DNAH14: variants seen among roughly 807,000 people sequenced by gnomAD.
DNAH14 encodes axonemal beta dynein heavy chain 14.
Under a neutral mutation model 520.9 loss-of-function variants are expected in DNAH14, and 478 were observed. The observed-to-expected ratio is 0.92, with a 90% CI of 0.85 to 0.99. DNAH14 has a LOEUF of 0.99. DNAH14 is among the 50% of genes least tolerant of loss of function. The pLI, the probability that DNAH14 is intolerant of heterozygous loss-of-function variation, is 0.00. For missense variants in DNAH14, 4,831 were observed against 5,234.5 expected (o/e 0.92, Z 2.38); for synonymous variants, 1,581 against 1,757.2 (o/e 0.90, Z 2.51).
At chr1:225,379,884 T>C (rs575447709) in intron 79 of DNAH14, among the ~76,000 whole-genome samples, 1 of 152,326 alleles carries the variant, frequency 6.6e-6, no homozygotes, top group East Asian at 1.9e-4. Context: ...CATAGTAATG[T>C]TTCAATACAT....
intron 68 of DNAH14, among the ~76,000 whole-genome samples, chr1:225,338,915 G>A (rs892501275): frequency 2.6e-5 from 4 of 152,124 alleles, no homozygotes; most frequent in African/African-American, 7.2e-5. Context: ...CTTACCAAGC[G>A]GTGCTGACTC....
At chr1:225,122,497 C>A (rs1255661037) in intron 26 of DNAH14, among the ~76,000 whole-genome samples, 1 of 151,954 alleles carries the variant, frequency 6.6e-6, no homozygotes, top group African/African-American at 2.4e-5. Flanking sequence ...TATATCAATG[C>A]GAGTGTGCAG....
At chr1:225,092,340 C>G (rs2074473141) in intron 21 of DNAH14, among the ~76,000 whole-genome samples, 1 of 152,054 alleles carries the variant, frequency 6.6e-6, no homozygotes, top group South Asian at 2.1e-4. Flanking sequence ...ACACTCAGTC[C>G]ACAGTGCAAT....
chr1:225,183,362 G>A (rs567666262), intron 36 of DNAH14, among the ~76,000 whole-genome samples: 79 of 152,334 alleles, frequency 5.2e-4, no homozygotes, highest in African/African-American at 1.8e-3. Flanking sequence ...GTGCTGCAAA[G>A]GTCTAGAGGC....
In DNAH14 at chr1:225,144,425, CA is replaced by C. The variant is rs1281519281; in HGVS notation, c.4541del (p.Lys1514SerfsTer36). On this transcript the variant is annotated frameshift_variant, in exon 29 of 86. Transcript: ENST00000682510. LOFTEE classifies it high-confidence loss of function. Reference sequence around the variant, plus strand: ...TTTGCAATATAAATGGAATGAAAAACAAAAGTTGTGCTATGTGTCTCAAGGA... The same window carrying C: ...TTTGCAATATAAATGGAATGAAAAACAAAGTTGTGCTATGTGTCTCAAGGA... ...RHLQYKWNEK[Q>X]KLCYVSQGNA... is the part of the protein sequence containing the mutation. 2 of 1,550,896 alleles carry C rather than the reference CA, an allele frequency of 1.3e-6. No homozygotes were observed. The highest frequency in any genetic ancestry group is 1.7e-6 in the Non-Finnish European group (2 of 1,146,690).
chr1:225,210,425 C>T (rs1342214189), intron 41 of DNAH14, among the ~76,000 whole-genome samples: 2 of 152,270 alleles, frequency 1.3e-5, no homozygotes, highest in East Asian at 3.9e-4. Context: ...CCCAACACAG[C>T]ACCGCAAAGC....
chr1:225,296,851 T>G (rs757132520), intron 55 of DNAH14, among the ~76,000 whole-genome samples: 12 of 152,202 alleles, frequency 7.9e-5, no homozygotes, highest in Non-Finnish European at 1.3e-4. Context: ...AATCTGCTGT[T>G]GTTCTGCTGG....
chr1:225,142,432 G>A (rs1573462499), intron 28 of DNAH14, among the ~76,000 whole-genome samples: 1 of 152,092 alleles, frequency 6.6e-6, no homozygotes, highest in Non-Finnish European at 1.5e-5. Context: ...AAATAGTTCC[G>A]TTTTAACATC....
intron 52 of DNAH14, among the ~76,000 whole-genome samples, chr1:225,274,416 G>A (rs902548704): frequency 2.0e-5 from 3 of 151,382 alleles, no homozygotes; most frequent in Non-Finnish European, 3.0e-5. Context: ...CCGTGGTCTC[G>A]ATCTCCTGAC....
At chr1:225,286,075 A>T (rs909455646) in intron 54 of DNAH14, among the ~76,000 whole-genome samples, 3 of 152,202 alleles carry the variant, frequency 2.0e-5, no homozygotes, top group African/African-American at 7.2e-5. Context: ...GCATGTTCTC[A>T]CTCATGTGAA....
At position 225,304,800 on chromosome 1, in the gene DNAH14, C is replaced by T. The variant is rs1287137796; in HGVS notation, c.8824-108C>T. 9.4e-6 allele frequency: 10 copies of T among 1,067,548 alleles called. No homozygotes were observed. In the East Asian group the frequency reaches 2.5e-4, roughly 26 times the overall value. The allele number at this position is 1,067,548 out of a possible 1,614,324, so 66.1% of individuals were successfully genotyped here. A position where few individuals can be genotyped will look rare whatever the true frequency, so the allele number is the denominator to read the frequency against. On this transcript the variant is annotated intron_variant, in intron 57 of 85. Transcript: ENST00000682510. The stretch of plus-strand genomic sequence containing the variant: ...TCCGGGAGCTCTCTCTACATCTCCA[C>T]ATCTCAGAAATAATAAGCTATTTTA...
intron 66 of DNAH14, among the ~76,000 whole-genome samples, chr1:225,335,267 CGT>C (rs752076478): frequency 1.6e-5 from 2 of 127,718 alleles, no homozygotes; most frequent in East Asian, 5.1e-4. Context: ...CACATATACA[CGT>C]GTACATTGTG....
chr1:225,333,545 AT>A, intron 66 of DNAH14, 39 bp downstream of exon 66: 1 of 1,503,788 alleles, frequency 6.6e-7, no homozygotes, highest in Non-Finnish European at 9.0e-7. Context: ...AGTGGCTATT[AT>A]TGTTTATTTG....
chr1:225,247,708 CA>C (rs1337292191), intron 43 of DNAH14, among the ~76,000 whole-genome samples: 2 of 152,140 alleles, frequency 1.3e-5, no homozygotes, highest in African/African-American at 4.8e-5. Flanking sequence ...AGAGAAAAGA[CA>C]ATATCTACAA....
chr1:225,350,148 A>T (rs1440720734), intron 71 of DNAH14, among the ~76,000 whole-genome samples: 2 of 152,182 alleles, frequency 1.3e-5, no homozygotes, highest in Non-Finnish European at 2.9e-5. Context: ...TGAAAAATCC[A>T]CAAACATGTA....
At chr1:225,264,708 C>T (rs2093053631) in intron 47 of DNAH14, among the ~76,000 whole-genome samples, 1 of 152,082 alleles carries the variant, frequency 6.6e-6, no homozygotes, top group Admixed American at 6.6e-5. Flanking sequence ...TTGGGAACAG[C>T]AACTCCGTTT....
intron 1 of DNAH14, among the ~76,000 whole-genome samples, chr1:224,951,644 A>AT (rs67437504): frequency 0.19 from 15,429 of 80,098 alleles, 2,456 homozygotes; most frequent in African/African-American, 0.4. Flanking sequence ...AGATTTCTGG[A>AT]TTTTTTTTTT....
chr1:225,321,369 C>T (rs1352549517), intron 61 of DNAH14, among the ~76,000 whole-genome samples: 1 of 152,132 alleles, frequency 6.6e-6, no homozygotes, highest in Non-Finnish European at 1.5e-5. Flanking sequence ...CAACAAACTC[C>T]CATGACACAA....
At chr1:225,276,991 GAGGA>G (rs1181160187) in intron 53 of DNAH14, among the ~76,000 whole-genome samples, 11 of 53,180 alleles carry the variant, frequency 2.1e-4, no homozygotes, top group African/African-American at 4.6e-4. Flanking sequence ...GGAAGGGAGG[GAGGA>G]AGGAAGGGAG....
Sources: allele counts gnomAD v4.1 joint callset (sites outside exome capture counted in the v4.1 genomes callset), GRCh38; gene constraint gnomAD v4.1.1; transcripts MANE v1.5; gene names NCBI Gene and HGNC (gene_info 2026-07-23, HGNC 2026-07-21).